SAXO1: variants seen among roughly 807,000 people sequenced by gnomAD.
The protein encoded by SAXO1 is stabilizer of axonemal microtubules 1.
SAXO1 carries 21 observed loss-of-function variants against 17.5 expected under a neutral mutation model. The ratio of observed to expected loss-of-function variants is 1.20; its 90% CI spans 0.85 to 1.72. The LOEUF is 1.72. Ranked by LOEUF, SAXO1 falls within the 40% of genes most tolerant of loss-of-function variation. The pLI is 0.00. For synonymous variants in SAXO1, 274 were observed against 216.5 expected (o/e 1.27, Z -2.33); for missense variants, 843 against 596.0 (o/e 1.41, Z -4.32).
intron 1 of SAXO1, among the ~76,000 whole-genome samples, chr9:19,012,651 G>A (rs1023407617): frequency 6.6e-5 from 10 of 152,184 alleles, no homozygotes; most frequent in Middle Eastern, 3.2e-3. Flanking sequence ...ACATCAGAAC[G>A]TGCAAATGGC....
upstream of SAXO1, among the ~76,000 whole-genome samples, chr9:19,036,890 C>G (rs951397527): frequency 1.3e-5 from 2 of 152,170 alleles, no homozygotes; most frequent in African/African-American, 4.8e-5. Context: ...GGTAAAGCCA[C>G]AGACACTCAT....
chr9:18,928,485 C>T lies in SAXO1; in HGVS notation c.992G>A (p.Cys331Tyr). Residue 331 changes from cysteine (C) to tyrosine (Y), a missense_variant, in exon 4 of 4, where the codon TGC becomes TAC. By Grantham distance (194) the Cys-to-Tyr change is radical. Transcript: ENST00000380534. ...SCRPALQIKK[C>Y]GRFEGSSTTK... The stretch of plus-strand genomic sequence containing the variant: ...GGTGGAAGAGCCTTCAAAGCGACCG[C>T]ACTTCTTAATCTGAAGTGCAGGTCG... 1.2e-6 allele frequency: 2 copies of T among 1,613,418 alleles called. No individual in the cohort carries two copies. The highest frequency in any genetic ancestry group is 1.7e-5 in the Admixed American group (1 of 59,954).
At chr9:19,046,814 T>C (rs1409213440) in intron 1 of SAXO1, among the ~76,000 whole-genome samples, 1 of 151,976 alleles carries the variant, frequency 6.6e-6, no homozygotes, top group Admixed American at 6.5e-5. Context: ...TGCAGTGAGC[T>C]ATGATCTCAC....
chr9:19,039,356 A>G (rs1258059005), intron 1 of SAXO1, among the ~76,000 whole-genome samples: 1 of 152,222 alleles, frequency 6.6e-6, no homozygotes, highest in Non-Finnish European at 1.5e-5. Flanking sequence ...CTAGGCTTTT[A>G]GCTCTCAAAG....
chr9:18,981,538 C>T (rs1333795646), intron 1 of SAXO1, among the ~76,000 whole-genome samples: 1 of 152,144 alleles, frequency 6.6e-6, no homozygotes, highest in African/African-American at 2.4e-5. Flanking sequence ...GCATCAATGT[C>T]ATACTAGTGA....
chr9:18,980,946 T>C (rs1311887228), intron 1 of SAXO1, among the ~76,000 whole-genome samples: 1 of 152,146 alleles, frequency 6.6e-6, no homozygotes, highest in East Asian at 1.9e-4. Context: ...ACCTTTAAAA[T>C]GTGCTTATCC....
Position 18,945,758 on chromosome 9 carries a change from C to A in SAXO1, c.219-3919G>T, listed in dbSNP as rs375472662. On this transcript the variant is annotated intron_variant, in intron 2 of 3. Coordinates refer to ENST00000380534, the MANE Select transcript of SAXO1 (RefSeq NM_153707.4). ...AATATCTGTCACCACTTCATATAAACCCTAGGCAAACTATTTCAAATGACT... is the reference window on the plus strand; with the variant it reads ...AATATCTGTCACCACTTCATATAAAACCTAGGCAAACTATTTCAAATGACT... Among the ~76,000 whole-genome samples the A allele has an allele frequency of 3.2e-4, 48 of 152,242 alleles. 2 individuals are homozygous for A. In the South Asian group the frequency reaches 9.3e-3, roughly 30 times the overall value.
chr9:19,001,503 T>A (rs1234649514), intron 1 of SAXO1, among the ~76,000 whole-genome samples: 1 of 151,856 alleles, frequency 6.6e-6, no homozygotes, highest in East Asian at 1.9e-4. Context: ...CCGTCTCTAC[T>A]AAAAACACAA....
intron 1 of SAXO1, among the ~76,000 whole-genome samples, chr9:18,967,088 A>T (rs1169629209): frequency 6.6e-6 from 1 of 152,192 alleles, no homozygotes; most frequent in Non-Finnish European, 1.5e-5. Flanking sequence ...GCAGAACAGC[A>T]AAGATTGCTG....
chr9:19,039,889 C>T (rs1201294559), intron 1 of SAXO1, among the ~76,000 whole-genome samples: 2 of 151,610 alleles, frequency 1.3e-5, no homozygotes, highest in Non-Finnish European at 2.9e-5. Context: ...CCACCACACC[C>T]AGCTAATTTT....
In SAXO1 at chr9:18,996,707, C is replaced by A. The variant is rs550731440; in HGVS notation, c.38+36164G>T. Among the ~76,000 whole-genome samples, 7 of 152,162 alleles carry A rather than the reference C, an allele frequency of 4.6e-5. No individual in the cohort carries two copies. The East Asian group carries it at 1.4e-3, about 29-fold the overall frequency. ...AAACGTCATAACATGATAAAGGCCA[C>A]GGATGAAAAACTCACAGTGAACATC... On this transcript the variant is annotated intron_variant, in intron 1 of 3. Transcript: ENST00000380534.
At chr9:19,028,620 C>T (rs971766261) in intron 1 of SAXO1, among the ~76,000 whole-genome samples, 1 of 152,148 alleles carries the variant, frequency 6.6e-6, no homozygotes, top group Non-Finnish European at 1.5e-5. Context: ...TTTTTTGGTG[C>T]TGATTATGTT....
At chr9:19,046,134 G>C (rs1337464933) in intron 1 of SAXO1, among the ~76,000 whole-genome samples, 2 of 109,580 alleles carry the variant, frequency 1.8e-5, no homozygotes, top group Non-Finnish European at 4.0e-5. Context: ...ACAAACAAAA[G>C]AAACTTGGAA....
chr9:18,941,747 G>T lies in SAXO1; in HGVS notation c.311C>A (p.Thr104Lys). Reference sequence around the variant, plus strand: ...GTAGGGATTGTAATCTTTCTTATACGTCGTGAGCAAATCCATATTCTCTTC... The same window carrying T: ...GTAGGGATTGTAATCTTTCTTATACTTCGTGAGCAAATCCATATTCTCTTC... ...PSEENMDLLT[T>K]YKKDYNPYPV... The change falls in exon 3 of 4, where the codon ACG becomes AAG. Residue 104 changes from threonine (T) to lysine (K), a missense_variant. By Grantham distance (78) the Thr-to-Lys change is moderately conservative. Coordinates refer to ENST00000380534, the MANE Select transcript of SAXO1 (RefSeq NM_153707.4). 2 of 1,614,080 alleles carry T rather than the reference G, an allele frequency of 1.2e-6. No homozygotes were observed. The highest frequency in any genetic ancestry group is 1.7e-5 in the Admixed American group (1 of 60,020).
chr9:18,935,636 A>G (rs373601086), intron 3 of SAXO1, among the ~76,000 whole-genome samples: 46 of 152,240 alleles, frequency 3.0e-4, no homozygotes, highest in African/African-American at 1.1e-3. Context: ...CACCAGGAAT[A>G]CATATGAGCT....
At chr9:18,946,279 CAAAAAAAAAAAAAA>C (rs56858815) in intron 2 of SAXO1, among the ~76,000 whole-genome samples, 1 of 34,482 alleles carries the variant, frequency 2.9e-5, no homozygotes, top group Non-Finnish European at 7.3e-5. Flanking sequence ...TTCATCTCAC[CAAAAAAAAAAAAAA>C]AAAAAAAAAA....
intron 1 of SAXO1, among the ~76,000 whole-genome samples, chr9:18,958,978 TCAAA>T (rs1832369285): frequency 6.6e-6 from 1 of 152,058 alleles, no homozygotes; most frequent in Non-Finnish European, 1.5e-5. Flanking sequence ...GTCACAGGGA[TCAAA>T]CAAAGAAACG....
At chr9:19,020,445 A>ACCTGG (rs1215308148) in intron 1 of SAXO1, among the ~76,000 whole-genome samples, 3 of 151,950 alleles carry the variant, frequency 2.0e-5, no homozygotes, top group African/African-American at 7.3e-5. Flanking sequence ...TCCGCCTCCA[A>ACCTGG]GGCTCAAGCC....
rs991505348 is a variant in SAXO1, at chr9:18,933,395, T to G, written c.422-4340A>C. On this transcript the variant is annotated intron_variant, in intron 3 of 3. Coordinates refer to ENST00000380534, the MANE Select transcript of SAXO1 (RefSeq NM_153707.4). ...TAAATATTGATTCTGTAATTGTCTTTTAAATGAATTAAAAGAAAAAAATAT... is the reference window on the plus strand; with the variant it reads ...TAAATATTGATTCTGTAATTGTCTTGTAAATGAATTAAAAGAAAAAAATAT... Among the ~76,000 whole-genome samples, 5 of 152,334 alleles carry G rather than the reference T, an allele frequency of 3.3e-5. No individual in the cohort carries two copies. The South Asian group carries it at 1.0e-3, about 32-fold the overall frequency.
Sources: allele counts gnomAD v4.1 joint callset (sites outside exome capture counted in the v4.1 genomes callset), GRCh38; gene constraint gnomAD v4.1.1; transcripts MANE v1.5; gene names NCBI Gene and HGNC (gene_info 2026-07-23, HGNC 2026-07-21).